CIBAR2: variants seen among roughly 807,000 people sequenced by gnomAD.
CIBAR2 encodes the protein CBY1 interacting BAR domain containing 2.
In CIBAR2, 38 loss-of-function variants were observed where a neutral mutation model predicts 36.2. The observed-to-expected ratio is 1.05, with a 90% CI of 0.81 to 1.38. CIBAR2 has a LOEUF of 1.38. Ranked by LOEUF, CIBAR2 falls within the 40% of genes most tolerant of loss-of-function variation. The probability of loss-of-function intolerance (pLI) is 0.00; values close to 1 mark genes in which losing one functional copy is unlikely to be tolerated. For synonymous variants in CIBAR2, 182 were observed against 149.5 expected, an observed-to-expected ratio of 1.22 and a Z score of -1.58; for missense variants, 481 against 383.4, an observed-to-expected ratio of 1.25 and a Z score of -2.13.
intron 1 of CIBAR2, among the ~76,000 whole-genome samples, chr16:85,111,586 C>T (rs1164768204): frequency 6.6e-6 from 1 of 152,224 alleles, no homozygotes; most frequent in Non-Finnish European, 1.5e-5. Flanking sequence ...TGGCTCACGC[C>T]TGTCATCCCA....
Position 85,110,423 on chromosome 16 carries a change from T to A in CIBAR2, c.58A>T (p.Asn20Tyr). The A allele has an allele frequency of 6.2e-7, 1 of 1,611,126 alleles. No individual in the cohort carries two copies. Among genetic ancestry groups the A allele is most frequent in the Non-Finnish European group, 8.5e-7 (1 of 1,178,394 alleles). Residue 20 changes from asparagine to tyrosine, a missense_variant, in exon 2 of 9, where the codon AAC (asparagine) becomes TAC (tyrosine). Physicochemically the swap from Asn to Tyr is moderately radical, Grantham distance 143. Coordinates refer to ENST00000539556, the MANE Select transcript of CIBAR2 (RefSeq NM_198491.3). Reference protein sequence around the residue: ...QVRVMENTVANTEKYFGQFCS... With the variant: ...QVRVMENTVAYTEKYFGQFCS... Reference sequence around the variant, plus strand: ...AACTGCCCAAAGTACTTCTCGGTGTTGGCCACGGTATTCTCCATCACCCTC... The same window carrying A: ...AACTGCCCAAAGTACTTCTCGGTGTAGGCCACGGTATTCTCCATCACCCTC...
At chr16:85,099,414 A>C (rs1165941362) in intron 8 of CIBAR2, 68 bp from the exon 9 acceptor site, 2 of 881,972 alleles carry the variant, frequency 2.3e-6, no homozygotes, top group African/African-American at 3.3e-5. Context: ...TAATGTATGT[A>C]CCTAATCACC....
Position 85,108,069 on chromosome 16 carries a change from G to T in CIBAR2, c.286C>A (p.Pro96Thr), listed in dbSNP as rs755342432. 3 of 1,613,070 alleles carry T rather than the reference G, an allele frequency of 1.9e-6. No individual in the cohort carries two copies. Among genetic ancestry groups the T allele is most frequent in the Non-Finnish European group, 2.5e-6 (3 of 1,179,376 alleles). Residue 96 changes from proline to threonine, a missense_variant, in exon 3 of 9, where the codon CCC becomes ACC. Pro to Thr is a conservative substitution (Grantham distance 38, BLOSUM62 -1). Transcript: ENST00000539556. ...ATCTGTGCCCCGTAGAGCTTCAGGG[G>T]GTTGACCACCTTGGTCTCCAGCCTC... ...VERLETKVVN[P>T]LKLYGAQIKQ...
chr16:85,111,461 G>A (rs1036037710), intron 1 of CIBAR2, among the ~76,000 whole-genome samples: 2 of 152,178 alleles, frequency 1.3e-5, no homozygotes, highest in African/African-American at 4.8e-5. Context: ...GCAGCACAGG[G>A]GTCAGAAGTC....
chr16:85,102,246 G>A lies in CIBAR2; in HGVS notation c.619C>T (p.Leu207=). Residue 207 remains leucine, a synonymous_variant, in exon 7 of 9, where the codon CTG becomes TTG. Coordinates refer to ENST00000539556, the MANE Select transcript of CIBAR2 (RefSeq NM_198491.3). ...VEVYSSAFQT[L]EKYDLERDLL... is the part of the protein sequence containing the mutation. ...TCCCTCTCCAGGTCATACTTCTCCA[G>A]GGTCTGGAAGGCGCTAGAATACACC... 1 of 1,611,514 alleles carries A rather than the reference G, an allele frequency of 6.2e-7. No homozygotes were observed. Among genetic ancestry groups the A allele is most frequent in the Non-Finnish European group, 8.5e-7 (1 of 1,177,600 alleles).
intron 5 of CIBAR2, 142 bp downstream of exon 5, chr16:85,107,524 TG>T: frequency 1.2e-6 from 1 of 842,306 alleles, no homozygotes; most frequent in Non-Finnish European, 2.0e-6. Flanking sequence ...CCCTTTTTAC[TG>T]GTACCTTTGG....
chr16:85,102,185 A>G (rs753539843), intron 7 of CIBAR2, 29 bp downstream of exon 7: 2 of 1,271,108 alleles, frequency 1.6e-6, no homozygotes, highest in South Asian at 1.2e-5. Context: ...CCACTCCACC[A>G]TATAGGAAAC....
intron 4 of CIBAR2, 85 bp from the exon 5 acceptor site, chr16:85,107,757 G>A (rs369190569): frequency 2.4e-5 from 38 of 1,588,488 alleles, no homozygotes; most frequent in Admixed American, 5.0e-5. Flanking sequence ...CCTGCCCAGC[G>A]GGCCCAGGCA....
intron 6 of CIBAR2, among the ~76,000 whole-genome samples, chr16:85,104,885 G>A (rs761775929): frequency 6.6e-6 from 1 of 152,168 alleles, no homozygotes; most frequent in Non-Finnish European, 1.5e-5. Context: ...GGGCTTTGTG[G>A]TGCTGGGGTG....
At chr16:85,108,971 T>C (rs2144174662) in intron 2 of CIBAR2, among the ~76,000 whole-genome samples, 1 of 152,294 alleles carries the variant, frequency 6.6e-6, no homozygotes, top group East Asian at 1.9e-4. Context: ...TGTGAACGCG[T>C]AGACATCAAG....
chr16:85,108,207 C>T (rs1053391046), intron 2 of CIBAR2, 108 bp from the exon 3 acceptor site: 35 of 1,058,258 alleles, frequency 3.3e-5, no homozygotes, highest in Admixed American at 5.1e-5. Context: ...CAGAGCTGTG[C>T]GGCGGGAGGT....
intron 5 of CIBAR2, among the ~76,000 whole-genome samples, chr16:85,105,659 A>G (rs1379151134): frequency 6.6e-6 from 1 of 152,204 alleles, no homozygotes; most frequent in East Asian, 1.9e-4. Flanking sequence ...GACCTCAGGC[A>G]AGTCACTTAC....
chr16:85,100,582 A>G (rs931287561), intron 7 of CIBAR2, among the ~76,000 whole-genome samples: 1 of 93,756 alleles, frequency 1.1e-5, no homozygotes, highest in African/African-American at 6.4e-5. Flanking sequence ...ACCTGCATCA[A>G]ACCTCATGGT....
chr16:85,107,340 C>G (rs751624053), intron 5 of CIBAR2, among the ~76,000 whole-genome samples: 2 of 152,116 alleles, frequency 1.3e-5, no homozygotes, highest in African/African-American at 2.4e-5. Context: ...CCCACGAGCT[C>G]CCATAACTGT....
At chr16:85,110,656 G>C (rs1451802198) in intron 1 of CIBAR2, among the ~76,000 whole-genome samples, 196 bp from the exon 2 acceptor site, 1 of 151,586 alleles carries the variant, frequency 6.6e-6, no homozygotes, top group African/African-American at 2.4e-5. Flanking sequence ...GCCTGGGCTG[G>C]TCAGTAGTGG....
At chr16:85,103,188 A>G (rs902793244) in intron 6 of CIBAR2, among the ~76,000 whole-genome samples, 3 of 151,998 alleles carry the variant, frequency 2.0e-5, no homozygotes, top group Middle Eastern at 3.4e-3. Flanking sequence ...GTGCCCTTGT[A>G]AAAAAGACTG....
chr16:85,111,081 C>T (rs1376893588), intron 1 of CIBAR2, among the ~76,000 whole-genome samples: 1 of 152,088 alleles, frequency 6.6e-6, no homozygotes, highest in Non-Finnish European at 1.5e-5. Context: ...CGCATTCAGG[C>T]TTCTACGACA....
At chr16:85,107,638 C>T (rs1204578216) in intron 5 of CIBAR2, 29 bp downstream of exon 5, 2 of 1,612,528 alleles carry the variant, frequency 1.2e-6, no homozygotes, top group Non-Finnish European at 1.7e-6. Flanking sequence ...TGTGATTCTG[C>T]CTGCCCCAGA....
In CIBAR2 at chr16:85,107,895, T is replaced by C. The variant is rs2074009199; in HGVS notation, c.377A>G (p.Glu126Gly). Residue 126 changes from glutamate (E) to glycine (G), a missense_variant, in exon 4 of 9, where the codon GAA (glutamate) becomes GGA (glycine). Glu to Gly is a moderately conservative substitution (Grantham distance 98). Coordinates refer to ENST00000539556, the MANE Select transcript of CIBAR2 (RefSeq NM_198491.3). ...CTTCTGCCTCAGTTTCTCCAGTTTT[T>C]CCAGTTGTTTGATCTCATGATTTTG... ...HVQNHEIKQL[E>G]KLEKLRQKSP... 9 of 1,614,210 alleles carry C rather than the reference T, an allele frequency of 5.6e-6. No homozygotes were observed. The highest frequency in any genetic ancestry group is 7.6e-6 in the Non-Finnish European group (9 of 1,180,020).
Sources: allele counts gnomAD v4.1 joint callset (sites outside exome capture counted in the v4.1 genomes callset), GRCh38; gene constraint gnomAD v4.1.1; transcripts MANE v1.5; gene names NCBI Gene and HGNC (gene_info 2026-07-23, HGNC 2026-07-21).